Variants in UBTD2 observed in about 807,000 individuals in gnomAD.
The protein encoded by UBTD2 is ubiquitin domain containing 2.
UBTD2 carries 9 observed loss-of-function variants against 19.8 expected under a neutral mutation model. That is an observed-to-expected ratio of 0.46 (90% confidence interval 0.27 to 0.79). The LOEUF (loss-of-function observed/expected upper bound fraction) is 0.79, where lower values mean the gene tolerates loss of function less well. Ranked by LOEUF, UBTD2 falls within the 30% of genes least tolerant of loss-of-function variation. The pLI is 0.14. For synonymous variants in UBTD2, 98 were observed against 103.9 expected (o/e 0.94, Z 0.35); for missense variants, 250 against 300.4 (o/e 0.83, Z 1.24).
In UBTD2 at chr5:172,209,791, G is replaced by A. The variant is rs1452160114; in HGVS notation, c.*2039C>T. 1 of 152,086 alleles carries A rather than the reference G, an allele frequency of 6.6e-6. No homozygotes were observed. The highest frequency in any genetic ancestry group is 1.5e-5 in the Non-Finnish European group (1 of 67,966). The allele number at this position is 152,086 out of a possible 1,614,324, so 9.4% of individuals were successfully genotyped here. ...TTTCCCACCTAGGTTAGTTAAACAT[G>A]CCCAGAGAATTGTTATTCAAAGCAT... On this transcript the variant is annotated 3_prime_UTR_variant, in exon 3 of 3. Transcript: ENST00000393792.
At chr5:172,250,094 G>C (rs915425595) in intron 1 of UBTD2, among the ~76,000 whole-genome samples, 1 of 152,078 alleles carries the variant, frequency 6.6e-6, no homozygotes, top group African/African-American at 2.4e-5. Context: ...GTGGTGGTGG[G>C]TGCCTGTAAT....
intron 1 of UBTD2, chr5:172,254,504 A>G (rs1453170614): frequency 1.3e-5 from 7 of 557,278 alleles, no homozygotes; most frequent in Non-Finnish European, 2.0e-5. Context: ...TTAGTTCATC[A>G]GACCGAGCAA....
intron 1 of UBTD2, among the ~76,000 whole-genome samples, chr5:172,270,464 C>T (rs568962073): frequency 2.0e-4 from 30 of 149,806 alleles, no homozygotes; most frequent in Non-Finnish European, 3.7e-4. Flanking sequence ...CAAGCAATTC[C>T]CCCGCCTCAG....
At chr5:172,217,823 C>T (rs537810225) in intron 2 of UBTD2, among the ~76,000 whole-genome samples, 4 of 152,170 alleles carry the variant, frequency 2.6e-5, no homozygotes, top group South Asian at 4.1e-4. Context: ...TGCACCTAAC[C>T]GCACAGCAAA....
chr5:172,253,917 GAAAA>G lies in UBTD2; in HGVS notation c.71-19563_71-19560del, dbSNP rs996631922. Among the ~76,000 whole-genome samples, 7 of 150,862 alleles carry G rather than the reference GAAAA, an allele frequency of 4.6e-5. 1 individual carries two copies. The highest frequency in any genetic ancestry group is 1.0e-4 in the Non-Finnish European group (7 of 67,662). On this transcript the variant is annotated intron_variant, in intron 1 of 2. Transcript: ENST00000393792. ...AGAATGGTTTGCTTAGCAACCCTAG[GAAAA>G]AAAAAGTGTTCTCATTCTTTAGGTC...
At chr5:172,268,353 T>C (rs1265867091) in intron 1 of UBTD2, among the ~76,000 whole-genome samples, 1 of 151,864 alleles carries the variant, frequency 6.6e-6, no homozygotes, top group Admixed American at 6.6e-5. Flanking sequence ...GGATCTACTG[T>C]AGCCTGGAAA....
rs189034975 is a variant in UBTD2, at chr5:172,283,360, C to G, written c.70+236G>C. ...ACTTCCCCGAGCCGAGCGGGGCGGTCGGCGAGGCCAAGGGCTACGTCCCCG... is the reference window on the plus strand; with the variant it reads ...ACTTCCCCGAGCCGAGCGGGGCGGTGGGCGAGGCCAAGGGCTACGTCCCCG... On this transcript the variant is annotated intron_variant, in intron 1 of 2. Coordinates refer to ENST00000393792, the MANE Select transcript of UBTD2 (RefSeq NM_152277.3). The surrounding 1 kb of genome is among the most constrained non-coding windows in gnomAD (Gnocchi z 4.3). 2.1e-3 allele frequency among the ~76,000 whole-genome samples: 316 copies of G among 152,288 alleles called. 2 individuals carry two copies. The highest frequency in any genetic ancestry group is 6.0e-3 in the South Asian group (29 of 4,832).
intron 1 of UBTD2, among the ~76,000 whole-genome samples, chr5:172,250,033 G>A: frequency 6.6e-6 from 1 of 152,096 alleles, no homozygotes; most frequent in South Asian, 2.1e-4. Context: ...GACCAGCCTG[G>A]CAAACGTGGT....
Position 172,210,535 on chromosome 5 carries a change from G to A in UBTD2, c.*1295C>T, listed in dbSNP as rs1400041894. On this transcript the variant is annotated 3_prime_UTR_variant, in exon 3 of 3. Coordinates refer to ENST00000393792, the MANE Select transcript of UBTD2 (RefSeq NM_152277.3). ...TCCAGTCATAGTATAGAAGAATCAG[G>A]TTATCTCCCTGGATTTTTCAGTCCC... is the stretch of plus-strand genomic sequence containing the variant. 1.3e-5 allele frequency: 2 copies of A among 152,094 alleles called. No homozygotes were observed. The highest frequency in any genetic ancestry group is 2.9e-5 in the Non-Finnish European group (2 of 68,012). 9.4% of individuals were successfully genotyped at this position (152,094 alleles called of 1,614,324 possible).
chr5:172,225,933 CTTTTTTTT>C (rs57155195), intron 2 of UBTD2, among the ~76,000 whole-genome samples: 3 of 107,500 alleles, frequency 2.8e-5, no homozygotes, highest in African/African-American at 3.8e-5. Context: ...GGCTTAAACT[CTTTTTTTT>C]TTTTTTTTTT....
At chr5:172,253,776 T>G (rs963722526) in intron 1 of UBTD2, among the ~76,000 whole-genome samples, 1 of 151,972 alleles carries the variant, frequency 6.6e-6, no homozygotes, top group African/African-American at 2.4e-5. Context: ...TCTTAAATTT[T>G]TTTTATTTCT....
intron 1 of UBTD2, among the ~76,000 whole-genome samples, chr5:172,239,586 G>T (rs576181753): frequency 1.9e-4 from 28 of 151,046 alleles, no homozygotes; most frequent in African/African-American, 6.5e-4. Flanking sequence ...ACGCCTAGCT[G>T]ATTTTTATAT....
At chr5:172,273,897 C>A (rs60844366) in intron 1 of UBTD2, among the ~76,000 whole-genome samples, 1 of 152,046 alleles carries the variant, frequency 6.6e-6, no homozygotes, top group East Asian at 1.9e-4. Context: ...TGCCCATTTT[C>A]TTTTTGGTCC....
In UBTD2 at chr5:172,227,877, C is replaced by T. The variant is rs1331525003; in HGVS notation, c.307+6245G>A. The stretch of plus-strand genomic sequence containing the variant: ...TGTATTTTTAGTAGAGACGGGGTTT[C>T]GCCATGTTGGCTAGGCTGGTCTCTA... On this transcript the variant is annotated intron_variant, in intron 2 of 2. Coordinates refer to ENST00000393792, the MANE Select transcript of UBTD2 (RefSeq NM_152277.3). Among the ~76,000 whole-genome samples the T allele has an allele frequency of 5.3e-5, 8 of 150,882 alleles. No homozygotes were observed. The East Asian group carries it at 1.4e-3, about 26-fold the overall frequency.
intron 1 of UBTD2, among the ~76,000 whole-genome samples, chr5:172,234,936 A>G (rs561213160): frequency 1.3e-5 from 2 of 152,280 alleles, no homozygotes; most frequent in African/African-American, 4.8e-5. Flanking sequence ...AAAGAACCCC[A>G]GAGAATTATA....
At chr5:172,262,142 G>A (rs903729827) in intron 1 of UBTD2, among the ~76,000 whole-genome samples, 3 of 151,912 alleles carry the variant, frequency 2.0e-5, no homozygotes, top group African/African-American at 7.3e-5. Context: ...AAAGTCAAAG[G>A]GTCTTTTTAA....
chr5:172,275,629 CACTT>C (rs1755592281), intron 1 of UBTD2, among the ~76,000 whole-genome samples: 1 of 152,268 alleles, frequency 6.6e-6, no homozygotes, highest in African/African-American at 2.4e-5. Flanking sequence ...CCTCCTCTTT[CACTT>C]ACTTATTAGC....
chr5:172,248,425 C>T (rs944014236), intron 1 of UBTD2, among the ~76,000 whole-genome samples: 4 of 151,784 alleles, frequency 2.6e-5, no homozygotes, highest in Admixed American at 6.6e-5. Context: ...CCATCTCTAC[C>T]AAAAATACAA....
chr5:172,259,682 T>A (rs1429838560), intron 1 of UBTD2, among the ~76,000 whole-genome samples: 1 of 152,044 alleles, frequency 6.6e-6, no homozygotes, highest in Non-Finnish European at 1.5e-5. Flanking sequence ...GCAAAAGTGA[T>A]CTTTTAAGTG....
Sources: allele counts gnomAD v4.1 joint callset (sites outside exome capture counted in the v4.1 genomes callset), GRCh38; gene constraint gnomAD v4.1.1; non-coding constraint Gnocchi (gnomAD v3.1); transcripts MANE v1.5; gene names NCBI Gene and HGNC (gene_info 2026-07-23, HGNC 2026-07-21).